The following LGSN variants were observed in gnomAD, a reference collection of about 807,000 sequenced individuals.
LGSN encodes the protein lengsin.
Under a neutral mutation model 19.5 loss-of-function variants are expected in LGSN, and 21 were observed. The observed-to-expected ratio is 1.07, with a 90% CI of 0.76 to 1.55. The LOEUF (loss-of-function observed/expected upper bound fraction) is 1.55, where lower values mean the gene tolerates loss of function less well. Ranked by LOEUF, LGSN falls within the 40% of genes most tolerant of loss-of-function variation. LGSN has a pLI of 0.00. For synonymous variants in LGSN, 257 were observed against 215.6 expected (o/e 1.19, Z -1.68); for missense variants, 673 against 608.5 (o/e 1.11, Z -1.12).
intron 1 of LGSN, among the ~76,000 whole-genome samples, chr6:63,310,009 TA>T (rs1459141659): frequency 6.6e-6 from 1 of 152,226 alleles, no homozygotes; most frequent in East Asian, 1.9e-4. Context: ...CTCAAATTGG[TA>T]TTCTCTAAGG....
intron 2 of LGSN, among the ~76,000 whole-genome samples, chr6:63,287,793 TCTC>T (rs1295673241): frequency 6.6e-6 from 1 of 152,070 alleles, no homozygotes; most frequent in Non-Finnish European, 1.5e-5. Flanking sequence ...AAAGAAGACA[TCTC>T]CTATAAAAGG....
the LGSN span, among the ~76,000 whole-genome samples, chr6:63,536,797 T>A: frequency 6.6e-6 from 1 of 152,158 alleles, no homozygotes; most frequent in South Asian, 2.1e-4. Flanking sequence ...TTTATGTAAA[T>A]AATGATAAAT....
the LGSN span, among the ~76,000 whole-genome samples, chr6:63,326,390 A>T: frequency 5.3e-5 from 8 of 152,206 alleles, no homozygotes; most frequent in Non-Finnish European, 1.2e-4. Context: ...GGCTTCACCC[A>T]GTGGATTCTG....
At chr6:63,333,538 C>T in the LGSN span, among the ~76,000 whole-genome samples, 673 of 120,874 alleles carry the variant, frequency 5.6e-3, no homozygotes, top group Middle Eastern at 0.026. Context: ...AATGAAAGAA[C>T]GAAAGAAAGA....
chr6:63,567,323 C>T, the LGSN span, among the ~76,000 whole-genome samples: 2 of 152,166 alleles, frequency 1.3e-5, no homozygotes, highest in Non-Finnish European at 2.9e-5. Context: ...AATATTAAAA[C>T]CTGAAAGTCA....
intron 1 of LGSN, among the ~76,000 whole-genome samples, chr6:63,311,349 T>C (rs1768620083): frequency 6.6e-6 from 1 of 152,194 alleles, no homozygotes; most frequent in Non-Finnish European, 1.5e-5. Context: ...GTGTTGGCTA[T>C]TGTTTCTGCT....
chr6:63,313,127 AT>A (rs1768695869), intron 1 of LGSN, among the ~76,000 whole-genome samples: 1 of 152,230 alleles, frequency 6.6e-6, no homozygotes, highest in Non-Finnish European at 1.5e-5. Flanking sequence ...GTTCATTTAA[AT>A]GGTGCACAGT....
chr6:63,551,711 G>A, the LGSN span, among the ~76,000 whole-genome samples: 8 of 98,290 alleles, frequency 8.1e-5, no homozygotes, highest in East Asian at 3.4e-4. Context: ...AACAGGCCCC[G>A]GTGTGTGATG....
chr6:63,461,114 C>T, the LGSN span, among the ~76,000 whole-genome samples: 18 of 152,266 alleles, frequency 1.2e-4, no homozygotes, highest in South Asian at 3.3e-3. Context: ...GTCGCCCGGG[C>T]TGGAGTACAG....
chr6:63,372,448 T>C, the LGSN span, among the ~76,000 whole-genome samples: 1 of 152,150 alleles, frequency 6.6e-6, no homozygotes, highest in East Asian at 1.9e-4. Flanking sequence ...TGAATTTTTT[T>C]CTAAGAGCAG....
At chr6:63,524,234 C>T in the LGSN span, among the ~76,000 whole-genome samples, 1 of 152,180 alleles carries the variant, frequency 6.6e-6, no homozygotes, top group Admixed American at 6.5e-5. Context: ...ATCTGACTGC[C>T]TTGGCCTCCC....
At chr6:63,308,614 C>CAAA (rs3839641) in intron 1 of LGSN, among the ~76,000 whole-genome samples, 36 of 140,466 alleles carry the variant, frequency 2.6e-4, no homozygotes, top group African/African-American at 9.0e-4. Flanking sequence ...AATGTCAATA[C>CAAA]AAAAAAAAAA....
the LGSN span, among the ~76,000 whole-genome samples, chr6:63,490,339 G>A: frequency 1.7e-4 from 26 of 152,130 alleles, no homozygotes; most frequent in African/African-American, 6.3e-4. Flanking sequence ...ACCTACCTCC[G>A]TAAGTGAGTG....
the LGSN span, among the ~76,000 whole-genome samples, chr6:63,501,013 G>A: frequency 2.6e-5 from 4 of 152,086 alleles, no homozygotes; most frequent in Admixed American, 1.3e-4. Flanking sequence ...ACAGGCGTGA[G>A]CCACTGTGCC....
rs1236633049 is a variant in LGSN at position 63,278,035 on chromosome 6, C to A, written c.*1986G>T. 1 of 150,262 alleles carries A rather than the reference C, an allele frequency of 6.7e-6. No homozygotes were observed. Among genetic ancestry groups the A allele is most frequent in the Non-Finnish European group, 1.5e-5 (1 of 67,716 alleles). The allele number at this position is 150,262 out of a possible 1,614,324, so 9.3% of individuals were successfully genotyped here. A position where few individuals can be genotyped will look rare whatever the true frequency, so the allele number is the denominator to read the frequency against. On this transcript the variant is annotated 3_prime_UTR_variant, in exon 4 of 4. Coordinates refer to ENST00000370657, the MANE Select transcript of LGSN (RefSeq NM_016571.3). ...GTTGCAGTGAGCCAAGACCCCCCCA[C>A]ATTGCACTTCAGCCTGGGTGACAAA...
chr6:63,304,294 C>T (rs1768294082), intron 1 of LGSN, among the ~76,000 whole-genome samples: 1 of 152,150 alleles, frequency 6.6e-6, no homozygotes, highest in African/African-American at 2.4e-5. Flanking sequence ...TTTGTTAGTT[C>T]CCTTTTTCTA....
At chr6:63,456,657 C>A in the LGSN span, among the ~76,000 whole-genome samples, 1 of 152,078 alleles carries the variant, frequency 6.6e-6, no homozygotes, top group South Asian at 2.1e-4. Context: ...CCTCCTCATT[C>A]TGCAGCAGCT....
the LGSN span, among the ~76,000 whole-genome samples, chr6:63,525,982 A>T: frequency 6.6e-6 from 1 of 152,202 alleles, no homozygotes; most frequent in Non-Finnish European, 1.5e-5. Context: ...CGGTACCAGT[A>T]TACAAAAGAG....
chr6:63,326,170 G>C, the LGSN span, among the ~76,000 whole-genome samples: 6 of 152,176 alleles, frequency 3.9e-5, no homozygotes, highest in African/African-American at 1.2e-4. Flanking sequence ...CAAACCCTGA[G>C]CTAGACACAA....
Sources: allele counts gnomAD v4.1 joint callset (sites outside exome capture counted in the v4.1 genomes callset), GRCh38; gene constraint gnomAD v4.1.1; transcripts MANE v1.5; gene names NCBI Gene and HGNC (gene_info 2026-07-23, HGNC 2026-07-21).